The following MAP6 variants were observed in gnomAD, a reference collection of about 807,000 sequenced individuals.
MAP6 encodes microtubule-associated protein 6.
MAP6 carries 26 observed loss-of-function variants against 42.4 expected under a neutral mutation model. The ratio of observed to expected loss-of-function variants is 0.61; its 90% confidence interval spans 0.45 to 0.85. The LOEUF is 0.85. Ranked by LOEUF, MAP6 falls within the 40% of genes least tolerant of loss-of-function variation. The probability of loss-of-function intolerance (pLI) is 0.00; values close to 1 mark genes in which losing one functional copy is unlikely to be tolerated. For synonymous variants in MAP6, 418 were observed against 443.8 expected, an observed-to-expected ratio of 0.94 and a Z score of 0.73; for missense variants, 966 against 1,099.0, an observed-to-expected ratio of 0.88 and a Z score of 1.71.
chr11:75,667,744 G>A lies in MAP6; in HGVS notation c.626C>T (p.Ala209Val). 7.7e-7 allele frequency: 1 copy of A among 1,304,266 alleles called. No homozygotes were observed. The highest frequency in any genetic ancestry group is 9.7e-7 in the Non-Finnish European group (1 of 1,028,926). 80.8% of individuals were successfully genotyped at this position (1,304,266 alleles called of 1,614,324 possible). The change falls in exon 1 of 4, where the codon GCC (alanine) becomes GTC (valine). Residue 209 changes from alanine to valine, a missense_variant. By Grantham distance (64) the Ala-to-Val change is moderately conservative. This residue lies in a region of MAP6 where 943 missense variants were observed against 1,049.9 expected (regional missense o/e 0.90). Coordinates refer to ENST00000304771, the MANE Select transcript of MAP6 (RefSeq NM_033063.2). The surrounding 1 kb of genome is among the most constrained non-coding windows in gnomAD (Gnocchi z 5.6). ...QSQERWPVQA[A>V]AEAREQEAAP... ...CGCCTCCTGCTCCCGGGCCTCAGCG[G>A]CGGCCTGCACTGGCCAGCGCTCCTG...
intron 3 of MAP6, chr11:75,604,997 C>A: frequency 3.0e-6 from 3 of 985,478 alleles, no homozygotes; most frequent in Non-Finnish European, 2.4e-6. Flanking sequence ...TCCAACCGGT[C>A]GCTCTGCGAA....
At chr11:75,643,550 T>C (rs763871025) in intron 1 of MAP6, among the ~76,000 whole-genome samples, 3 of 152,204 alleles carry the variant, frequency 2.0e-5, no homozygotes, top group African/African-American at 7.2e-5. Flanking sequence ...TCACAATTGA[T>C]AGAACTAGCC....
At chr11:75,654,333 G>A (rs1295319847) in intron 1 of MAP6, among the ~76,000 whole-genome samples, 1 of 152,118 alleles carries the variant, frequency 6.6e-6, no homozygotes, top group Admixed American at 6.5e-5. Context: ...CCTCTAGGAA[G>A]GAATTTATAG....
intron 3 of MAP6, among the ~76,000 whole-genome samples, chr11:75,602,098 A>G (rs750543142): frequency 2.0e-5 from 3 of 152,088 alleles, no homozygotes; most frequent in Middle Eastern, 3.2e-3. Context: ...TTTGTCTTCC[A>G]CTTTACCAGA....
intron 3 of MAP6, among the ~76,000 whole-genome samples, chr11:75,589,461 C>T (rs965287191): frequency 3.3e-5 from 5 of 152,312 alleles, no homozygotes; most frequent in Admixed American, 1.3e-4. Flanking sequence ...TCCAGCTTTC[C>T]GAATGGCTCC....
chr11:75,650,798 G>T (rs1943634116), intron 1 of MAP6, among the ~76,000 whole-genome samples: 2 of 152,154 alleles, frequency 1.3e-5, no homozygotes, highest in Admixed American at 1.3e-4. Flanking sequence ...TTAAGCTGAG[G>T]TTTTCTGATC....
chr11:75,662,900 A>G (rs1217478675), intron 1 of MAP6, among the ~76,000 whole-genome samples: 1 of 151,962 alleles, frequency 6.6e-6, no homozygotes, highest in Non-Finnish European at 1.5e-5. Flanking sequence ...TCAGGTCTGT[A>G]AAGTTTGCTG....
chr11:75,660,012 T>G (rs1462063822), intron 1 of MAP6, among the ~76,000 whole-genome samples: 1 of 152,200 alleles, frequency 6.6e-6, no homozygotes, highest in Non-Finnish European at 1.5e-5. Context: ...TAACCAATGA[T>G]CTAACAAAAT....
At chr11:75,601,378 T>G (rs1421163336) in intron 3 of MAP6, among the ~76,000 whole-genome samples, 1 of 152,262 alleles carries the variant, frequency 6.6e-6, no homozygotes, top group Non-Finnish European at 1.5e-5. Flanking sequence ...TAATATGCTT[T>G]TATGTATTTG....
At chr11:75,611,797 T>C (rs776363938) in intron 1 of MAP6, among the ~76,000 whole-genome samples, 2 of 152,260 alleles carry the variant, frequency 1.3e-5, no homozygotes, top group Non-Finnish European at 2.9e-5. Flanking sequence ...CTATAGTTCT[T>C]AAAACAACTT....
rs547869850 is a variant in MAP6, at chr11:75,606,053, G to C, written c.1120-49C>G. 6.3e-7 allele frequency: 1 copy of C among 1,596,920 alleles called. No homozygotes were observed. Among genetic ancestry groups the C allele is most frequent in the African/African-American group, 1.3e-5 (1 of 74,404 alleles). On this transcript the variant is annotated intron_variant, in intron 2 of 3. Transcript: ENST00000304771. ...ATACAGAAACACAAAAAGGTGGGGC[G>C]TGGGAAGGAATTTAGAGAGAAAAGA...
At chr11:75,588,274 T>C in intron 3 of MAP6, 90 bp from the exon 4 acceptor site, 8 of 1,214,886 alleles carry the variant, frequency 6.6e-6, no homozygotes, top group Non-Finnish European at 9.1e-6. Flanking sequence ...CTTGGCCTAG[T>C]GGAGCCTGGG....
chr11:75,662,307 T>A (rs994115383), intron 1 of MAP6, among the ~76,000 whole-genome samples: 2 of 152,194 alleles, frequency 1.3e-5, no homozygotes, highest in African/African-American at 4.8e-5. Context: ...ATTAACAATT[T>A]AAATACAGAA....
chr11:75,647,367 A>C (rs74976442), intron 1 of MAP6, among the ~76,000 whole-genome samples: 127 of 143,178 alleles, frequency 8.9e-4, no homozygotes, highest in Admixed American at 1.6e-3. Context: ...AAAAAAAAAA[A>C]CCCACAAAAA....
rs1265325605 is a variant in MAP6 at position 75,607,391 on chromosome 11, C to T, written c.1119+718G>A. On this transcript the variant is annotated intron_variant, in intron 2 of 3. Coordinates refer to ENST00000304771, the MANE Select transcript of MAP6 (RefSeq NM_033063.2). ...CCATGGGGCCTGACATCAGAAGATG[C>T]TAGATTGCATGGCTTATATGATTCC... 5 of 985,290 alleles carry T rather than the reference C, an allele frequency of 5.1e-6. No individual in the cohort carries two copies. The African/African-American group carries it at 7.0e-5, about 14-fold the overall frequency. 61.0% of individuals were successfully genotyped at this position (985,290 alleles called of 1,614,324 possible). A position where few individuals can be genotyped will look rare whatever the true frequency, so the allele number is the denominator to read the frequency against.
intron 1 of MAP6, among the ~76,000 whole-genome samples, chr11:75,616,360 C>T (rs1942993933): frequency 6.6e-6 from 1 of 152,156 alleles, no homozygotes; most frequent in Admixed American, 6.5e-5. Flanking sequence ...AGGAAGAAGA[C>T]AGTGCTTTTA....
chr11:75,642,470 TTGAC>T (rs1321054659), intron 1 of MAP6: 1 of 152,408 alleles, frequency 6.6e-6, no homozygotes, highest in Admixed American at 6.5e-5. Context: ...ACCCACAACA[TTGAC>T]TAACTAGTTC....
chr11:75,592,673 A>C (rs1171522715), intron 3 of MAP6, among the ~76,000 whole-genome samples: 1 of 151,962 alleles, frequency 6.6e-6, no homozygotes. Context: ...CCTCCAACCC[A>C]TTCTTCATAC....
At chr11:75,604,701 G>A (rs909950930) in intron 3 of MAP6, 10 of 984,850 alleles carry the variant, frequency 1.0e-5, no homozygotes, top group Non-Finnish European at 1.2e-5. Flanking sequence ...ACACACACAC[G>A]ACACGGAATA....
Sources: allele counts gnomAD v4.1 joint callset (sites outside exome capture counted in the v4.1 genomes callset), GRCh38; gene constraint gnomAD v4.1.1; regional missense constraint gnomAD v4.1.1; non-coding constraint Gnocchi (gnomAD v3.1); transcripts MANE v1.5; gene names NCBI Gene and HGNC (gene_info 2026-07-23, HGNC 2026-07-21).